Variants in KRT23 observed in about 807,000 individuals in gnomAD.
KRT23 encodes keratin, type I cytoskeletal 23.
In KRT23, 38 loss-of-function variants were observed where a neutral mutation model predicts 47.6. The observed-to-expected ratio is 0.80, with a 90% CI of 0.62 to 1.05. KRT23 has a LOEUF of 1.05. Ranked by LOEUF, KRT23 falls within the 50% of genes least tolerant of loss-of-function variation. The pLI, the probability that KRT23 is intolerant of heterozygous loss-of-function variation, is 0.00. For synonymous variants in KRT23, 191 were observed against 199.0 expected (o/e 0.96, Z 0.34); for missense variants, 503 against 529.5 (o/e 0.95, Z 0.49).
chr17:40,928,412 C>A (rs1567796113), intron 5 of KRT23, 34 bp downstream of exon 5: 1 of 1,614,092 alleles, frequency 6.2e-7, no homozygotes, highest in Admixed American at 1.7e-5. Context: ...CATGGAAATG[C>A]AACCTTTGGG....
Position 40,936,437 on chromosome 17 carries a change from C to G in KRT23, c.167G>C (p.Gly56Ala). ...GCTTCTTCCAGAACCCCAAGACCCT[C>G]CAGGGGGTGGGCAGCTCCGCGTGGT... ...SFTTRSCPPP[G>A]GSWGSGRSSP... The change falls in exon 2 of 9, where the codon GGA becomes GCA. Residue 56 changes from glycine (G) to alanine (A), a missense_variant. Physicochemically the swap from Gly to Ala is moderately conservative, Grantham distance 60. Coordinates refer to ENST00000209718, the MANE Select transcript of KRT23 (RefSeq NM_015515.5). 6.2e-7 allele frequency: 1 copy of G among 1,611,270 alleles called. No individual in the cohort carries two copies. The highest frequency in any genetic ancestry group is 1.3e-5 in the African/African-American group (1 of 74,934).
rs1909344927 is a variant in KRT23, at chr17:40,928,115, G to A, written c.921+123C>T. 3 of 1,220,946 alleles carry A rather than the reference G, an allele frequency of 2.5e-6. No homozygotes were observed. The Admixed American group carries it at 5.6e-5, about 23-fold the overall frequency. 75.6% of individuals were successfully genotyped at this position (1,220,946 alleles called of 1,614,324 possible). ...TATGGTTCTCATCATAAACAATTTG[G>A]ATGGAAAGTGGAAAGTGAGAGTTGT... On this transcript the variant is annotated intron_variant, in intron 6 of 8. Transcript: ENST00000209718.
intron 6 of KRT23, among the ~76,000 whole-genome samples, chr17:40,926,032 T>C (rs1305570181): frequency 2.0e-5 from 3 of 152,236 alleles, no homozygotes; most frequent in African/African-American, 7.2e-5. Context: ...AAAATTGCTT[T>C]TTATTTGAAA....
chr17:40,928,643 T>TG, intron 4 of KRT23, 36 bp from the exon 5 acceptor site: 3 of 1,591,514 alleles, frequency 1.9e-6, no homozygotes, highest in Non-Finnish European at 2.6e-6. Flanking sequence ...GAACCGGCTT[T>TG]GACAATCAGA....
At chr17:40,928,709 T>A (rs1483347101) in intron 4 of KRT23, 102 bp from the exon 5 acceptor site, 3 of 1,090,926 alleles carry the variant, frequency 2.7e-6, no homozygotes, top group Non-Finnish European at 4.0e-6. Context: ...AACATTCCGA[T>A]TATGTGGTTG....
chr17:40,925,341 G>A lies in KRT23; in HGVS notation c.1142+13C>T. ...TCCCTCGCATGCTCCTCTCGTGCCAGCCTTTGCCTTACCCTTCACTCTCTC... is the reference window on the plus strand; with the variant it reads ...TCCCTCGCATGCTCCTCTCGTGCCAACCTTTGCCTTACCCTTCACTCTCTC... On this transcript the variant is annotated intron_variant, in intron 7 of 8. Coordinates refer to ENST00000209718, the MANE Select transcript of KRT23 (RefSeq NM_015515.5). 1 of 1,609,786 alleles carries A rather than the reference G, an allele frequency of 6.2e-7. No homozygotes were observed.
intron 4 of KRT23, 155 bp from the exon 5 acceptor site, chr17:40,928,762 G>A: frequency 4.8e-6 from 3 of 631,452 alleles, no homozygotes; most frequent in African/African-American, 1.8e-5. Context: ...TTACTTACTT[G>A]TTGGTGATAA....
rs145987537 is a variant in KRT23, at chr17:40,928,291, G to A, written c.868C>T (p.Leu290=). 81 of 1,614,200 alleles carry A rather than the reference G, an allele frequency of 5.0e-5. No individual in the cohort carries two copies. Among genetic ancestry groups the A allele is most frequent in the Non-Finnish European group, 6.4e-5 (76 of 1,180,028 alleles). Reference sequence around the variant, plus strand: ...TCCAGGGCCTGGAATGTGCGCTTCAGTTCGTGGATGTCACCTTGTCTGCTC... The same window carrying A: ...TCCAGGGCCTGGAATGTGCGCTTCAATTCGTGGATGTCACCTTGTCTGCTC... The part of the protein sequence containing the change: ...VQSRQGDIHE[L]KRTFQALEID... The change falls in exon 6 of 9, where the codon CTG becomes TTG. Residue 290 remains leucine (L), a synonymous_variant. Transcript: ENST00000209718.
rs1260359589 is a variant in KRT23 at position 40,928,157 on chromosome 17, G to T, written c.921+81C>A. 124 of 1,567,614 alleles carry T rather than the reference G, an allele frequency of 7.9e-5. No individual in the cohort carries two copies. The Middle Eastern group carries it at 9.0e-4, about 11-fold the overall frequency. ...GAGAGTTGTCCCAAGGGAGTTGAGG[G>T]TCAGGGCCTGGGAGAGAGGTCTCAG... On this transcript the variant is annotated intron_variant, in intron 6 of 8. Coordinates refer to ENST00000209718, the MANE Select transcript of KRT23 (RefSeq NM_015515.5).
chr17:40,935,787 A>G (rs576177597), intron 2 of KRT23, among the ~76,000 whole-genome samples: 1 of 152,298 alleles, frequency 6.6e-6, no homozygotes, highest in Non-Finnish European at 1.5e-5. Flanking sequence ...TGAGAAAGTA[A>G]ACACTCTCTT....
At chr17:40,924,577 C>T (rs980137689) in intron 7 of KRT23, 74 bp from the exon 8 acceptor site, 13 of 1,143,114 alleles carry the variant, frequency 1.1e-5, no homozygotes, top group Middle Eastern at 1.9e-4. Flanking sequence ...GATGAACTAA[C>T]TTCCTTCGCT....
chr17:40,933,300 AG>A (rs1909824690), intron 2 of KRT23, among the ~76,000 whole-genome samples: 1 of 152,140 alleles, frequency 6.6e-6, no homozygotes, highest in African/African-American at 2.4e-5. Context: ...CTTGCTATAA[AG>A]AAGGACACTT....
chr17:40,928,478 GCTT>G lies in KRT23; in HGVS notation c.763_765del (p.Lys255del), dbSNP rs1909386353. On this transcript the variant is annotated inframe_deletion, in exon 5 of 9. Transcript: ENST00000209718. ...TTATACCAAGTGTCCAAGTCTCGAT[GCTT>G]CTTCTTTATTATAAGCTCATATTCT... is the stretch of plus-strand genomic sequence containing the variant. The G allele has an allele frequency of 2.5e-6, 4 of 1,614,056 alleles. No individual in the cohort carries two copies. In the East Asian group the frequency reaches 8.9e-5, roughly 36 times the overall value.
chr17:40,923,871 T>G (rs1909072602), intron 8 of KRT23, among the ~76,000 whole-genome samples: 1 of 152,234 alleles, frequency 6.6e-6, no homozygotes, highest in Admixed American at 6.5e-5. Context: ...CCTGCAACTT[T>G]TCTGTGAGAT....
chr17:40,925,136 C>A (rs1909143660), intron 7 of KRT23: 1 of 580,194 alleles, frequency 1.7e-6, no homozygotes, highest in South Asian at 2.3e-5. Context: ...GACTTTAACT[C>A]TTCTGACTGC....
intron 4 of KRT23, among the ~76,000 whole-genome samples, chr17:40,928,910 C>T (rs1909429259): frequency 6.6e-6 from 1 of 151,170 alleles, no homozygotes; most frequent in Admixed American, 6.6e-5. Flanking sequence ...ACCTTTAATC[C>T]CAGCTACTTG....
chr17:40,935,103 G>A (rs1336395328), intron 2 of KRT23, among the ~76,000 whole-genome samples: 9 of 127,616 alleles, frequency 7.1e-5, no homozygotes, highest in Non-Finnish European at 1.2e-4. Flanking sequence ...GGACTGTTGA[G>A]TCACCTTGTT....
intron 8 of KRT23, 139 bp downstream of exon 8, chr17:40,924,333 G>GTATTAGC: frequency 1.6e-6 from 1 of 640,090 alleles, no homozygotes. Flanking sequence ...TAGCTAATTT[G>GTATTAGC]TTCATTGAAG....
chr17:40,929,383 C>T (rs1050136616), intron 4 of KRT23, among the ~76,000 whole-genome samples: 1 of 152,364 alleles, frequency 6.6e-6, no homozygotes, highest in Middle Eastern at 3.4e-3. Flanking sequence ...ATTGTCTAAC[C>T]AGCTATTCAG....
Sources: allele counts gnomAD v4.1 joint callset (sites outside exome capture counted in the v4.1 genomes callset), GRCh38; gene constraint gnomAD v4.1.1; transcripts MANE v1.5; gene names NCBI Gene and HGNC (gene_info 2026-07-23, HGNC 2026-07-21).